The following CA6 variants were observed in gnomAD, a reference collection of about 807,000 sequenced individuals.
CA6 encodes the protein carbonate dehydratase VI.
Under a neutral mutation model 35.9 loss-of-function variants are expected in CA6, and 28 were observed. The observed-to-expected ratio is 0.78, with a 90% CI of 0.58 to 1.07. CA6 has a LOEUF of 1.07. Ranked by LOEUF, CA6 falls within the 50% of genes least tolerant of loss-of-function variation. The probability of loss-of-function intolerance (pLI) is 0.00; values close to 1 mark genes in which losing one functional copy is unlikely to be tolerated. For missense variants in CA6, 377 were observed against 382.0 expected (o/e 0.99, Z 0.11); for synonymous variants, 148 against 152.6 (o/e 0.97, Z 0.22).
At position 8,958,983 on chromosome 1, in the gene CA6, T is replaced by C; in HGVS notation, c.482T>C (p.Val161Ala). ...IAQDAPDGLA[V>A]LAAFVEVKNY... ...CAAGATGCGCCGGATGGTTTGGCTG[T>C]ACTGGCAGCCTTCGTTGAGGTAAGC... Residue 161 changes from valine to alanine, a missense_variant, in exon 4 of 8, where the codon GTA becomes GCA. By Grantham distance (64) the Val-to-Ala change is moderately conservative (BLOSUM62 0). Transcript: ENST00000377443. 1.9e-6 allele frequency: 3 copies of C among 1,610,382 alleles called. No individual in the cohort carries two copies. The highest frequency in any genetic ancestry group is 2.2e-5 in the South Asian group (2 of 90,908).
intron 4 of CA6, among the ~76,000 whole-genome samples, chr1:8,959,540 C>G (rs1639779049): frequency 6.6e-6 from 1 of 151,940 alleles, no homozygotes; most frequent in Non-Finnish European, 1.5e-5. Flanking sequence ...TTGTGAACTC[C>G]TGACCTCAGG....
chr1:8,951,547 T>A (rs1284383618), intron 2 of CA6: 1 of 765,092 alleles, frequency 1.3e-6, no homozygotes. Context: ...CAATCATTGA[T>A]GGAGGATCTC....
intron 1 of CA6, among the ~76,000 whole-genome samples, chr1:8,947,494 G>A (rs1039273941): frequency 3.3e-5 from 5 of 152,076 alleles, no homozygotes; most frequent in Non-Finnish European, 5.9e-5. Flanking sequence ...CTCTGTTCCT[G>A]AGGACAGTGA....
chr1:8,959,097 C>T (rs1639766527), intron 4 of CA6, 95 bp downstream of exon 4: 1 of 725,440 alleles, frequency 1.4e-6, no homozygotes, highest in Admixed American at 2.2e-5. Flanking sequence ...TCTTTATTAT[C>T]ACTCTTCATC....
In CA6 at chr1:8,957,153, C is replaced by T. The variant is rs773894476; in HGVS notation, c.276C>T (p.Pro92=). 6.2e-6 allele frequency: 10 copies of T among 1,611,600 alleles called. No individual in the cohort carries two copies. The highest frequency in any genetic ancestry group is 2.2e-5 in the East Asian group (1 of 44,864). The change falls in exon 3 of 8, where the codon CCC becomes CCT. Residue 92 remains proline, a synonymous_variant. Transcript: ENST00000377443. Reference sequence around the variant, plus strand: ...TCTCTCCAGTGCAGATCAGCCTGCCCTCCACCATGCGCATGACAGTGGCTG... The same window carrying T: ...TCTCTCCAGTGCAGATCAGCCTGCCTTCCACCATGCGCATGACAGTGGCTG... The part of the protein sequence containing the change: ...NNGHTVQISL[P]STMRMTVADG...
intron 4 of CA6, among the ~76,000 whole-genome samples, chr1:8,961,686 C>A (rs1639846231): frequency 6.6e-6 from 1 of 151,344 alleles, no homozygotes; most frequent in Admixed American, 6.6e-5. Flanking sequence ...CCAAGAAAGC[C>A]AAATTTATGC....
chr1:8,970,851 C>G lies in CA6; in HGVS notation c.730-16C>G. The G allele has an allele frequency of 6.6e-7, 1 of 1,521,866 alleles. No individual in the cohort carries two copies. The highest frequency in any genetic ancestry group is 9.1e-7 in the Non-Finnish European group (1 of 1,096,438). 94.3% of individuals were successfully genotyped at this position (1,521,866 alleles called of 1,614,324 possible). On this transcript the variant is annotated splice_polypyrimidine_tract_variant and intron_variant, in intron 6 of 7. Coordinates refer to ENST00000377443, the MANE Select transcript of CA6 (RefSeq NM_001215.4). ...AGTGACTCTTCCCCTCCATAATGCACTCACGTTGCCCCCAGGTTTGGAAGC... is the reference window on the plus strand; with the variant it reads ...AGTGACTCTTCCCCTCCATAATGCAGTCACGTTGCCCCCAGGTTTGGAAGC...
At chr1:8,954,471 T>C (rs1018706701) in intron 2 of CA6, among the ~76,000 whole-genome samples, 1 of 152,126 alleles carries the variant, frequency 6.6e-6, no homozygotes, top group African/African-American at 2.4e-5. Context: ...GGCCTATTCC[T>C]TTATTTTCTT....
In CA6 at chr1:8,957,192, C is replaced by T. The variant is rs1639709984; in HGVS notation, c.315C>T (p.Tyr105=). ...MRMTVADGTV[Y]IAQQMHFHWG... ...TGACAGTGGCTGACGGCACTGTATACATAGCCCAGCAGATGCACTTTCACT... is the reference window on the plus strand; with the variant it reads ...TGACAGTGGCTGACGGCACTGTATATATAGCCCAGCAGATGCACTTTCACT... The change falls in exon 3 of 8, where the codon TAC becomes TAT. Residue 105 remains tyrosine, a synonymous_variant. Coordinates refer to ENST00000377443, the MANE Select transcript of CA6 (RefSeq NM_001215.4). 2 of 1,614,068 alleles carry T rather than the reference C, an allele frequency of 1.2e-6. No homozygotes were observed. Among genetic ancestry groups the T allele is most frequent in the Non-Finnish European group, 1.7e-6 (2 of 1,179,952 alleles).
chr1:8,973,271 G>A (rs1448430107), intron 7 of CA6, among the ~76,000 whole-genome samples: 3 of 152,000 alleles, frequency 2.0e-5, no homozygotes, highest in African/African-American at 7.3e-5. Flanking sequence ...CCGCCTGCCC[G>A]GCCTCCCAAA....
At chr1:8,946,257 C>T (rs1013750178) in intron 1 of CA6, among the ~76,000 whole-genome samples, 1 of 152,012 alleles carries the variant, frequency 6.6e-6, no homozygotes, top group South Asian at 2.1e-4. Context: ...AGGCTGGTCT[C>T]GAACTCCTGA....
chr1:8,951,689 A>G, intron 2 of CA6: 1 of 764,264 alleles, frequency 1.3e-6, no homozygotes, highest in Non-Finnish European at 2.4e-6. Context: ...AGGACCCTGT[A>G]CCTTCTTCCT....
At chr1:8,947,767 A>G (rs1639405235) in intron 1 of CA6, among the ~76,000 whole-genome samples, 3 of 152,026 alleles carry the variant, frequency 2.0e-5, no homozygotes, top group Admixed American at 2.0e-4. Context: ...GGGCCAAAGC[A>G]TCTTGCTCTG....
intron 7 of CA6, 22 bp from the exon 8 acceptor site, chr1:8,974,600 C>A: frequency 6.4e-7 from 1 of 1,556,032 alleles, no homozygotes; most frequent in South Asian, 1.1e-5. Flanking sequence ...TAACCATTTC[C>A]GACTAACTCT....
At chr1:8,967,959 C>A (rs1640014284) in intron 6 of CA6, 143 bp downstream of exon 6, 1 of 517,364 alleles carries the variant, frequency 1.9e-6, no homozygotes, top group Non-Finnish European at 3.2e-6. Context: ...CTCGTCTAGC[C>A]AACCTTTTTT....
chr1:8,971,127 C>A, intron 7 of CA6, 146 bp downstream of exon 7: 1 of 640,846 alleles, frequency 1.6e-6, no homozygotes, highest in African/African-American at 1.8e-5. Flanking sequence ...CTGCACAGGG[C>A]TTGGGCAGAG....
At chr1:8,957,687 G>A (rs1217603922) in intron 3 of CA6, among the ~76,000 whole-genome samples, 1 of 149,920 alleles carries the variant, frequency 6.7e-6, no homozygotes, top group Non-Finnish European at 1.5e-5. Flanking sequence ...ACTGGCTCAC[G>A]CCTGTAATTC....
chr1:8,957,587 C>T (rs567156050), intron 3 of CA6, among the ~76,000 whole-genome samples: 14 of 152,158 alleles, frequency 9.2e-5, no homozygotes, highest in African/African-American at 2.4e-4. Flanking sequence ...GTGATCCACC[C>T]GCCTTGGCCT....
At chr1:8,957,576 G>A (rs1243936559) in intron 3 of CA6, among the ~76,000 whole-genome samples, 1 of 152,056 alleles carries the variant, frequency 6.6e-6, no homozygotes, top group Non-Finnish European at 1.5e-5. Context: ...CTTGACTTCA[G>A]GTGATCCACC....
Sources: gnomAD v4.1 joint callset for allele counts (sites outside exome capture counted in the v4.1 genomes callset) on GRCh38, gnomAD v4.1.1 for gene constraint, MANE v1.5 for transcripts, NCBI Gene and HGNC (gene_info 2026-07-23, HGNC 2026-07-21) for gene names.